Variants in SNX29 observed in about 807,000 individuals in gnomAD.
The protein encoded by SNX29 is sorting nexin 29, also known as sorting nexin-29.
Under a neutral mutation model 102.1 loss-of-function variants are expected in SNX29, and 78 were observed. The ratio of observed to expected loss-of-function variants is 0.76; its 90% CI spans 0.64 to 0.92. The LOEUF (loss-of-function observed/expected upper bound fraction) is 0.92, where lower values mean the gene tolerates loss of function less well. SNX29 is among the 40% of genes least tolerant of loss of function. The probability of loss-of-function intolerance (pLI) is 0.00; values close to 1 mark genes in which losing one functional copy is unlikely to be tolerated. For synonymous variants in SNX29, 580 were observed against 414.5 expected, an observed-to-expected ratio of 1.40 and a Z score of -4.85; for missense variants, 1,280 against 1,061.7, an observed-to-expected ratio of 1.21 and a Z score of -2.86.
chr16:12,008,558 C>T (rs749875318), intron 3 of SNX29, among the ~76,000 whole-genome samples: 33 of 150,756 alleles, frequency 2.2e-4, no homozygotes, highest in Admixed American at 4.6e-4. Context: ...CATGAGCCAC[C>T]GCACCCGGCC....
At chr16:12,427,019 G>T (rs2085108259) in intron 18 of SNX29, among the ~76,000 whole-genome samples, 2 of 152,246 alleles carry the variant, frequency 1.3e-5, no homozygotes, top group Admixed American at 1.3e-4. Flanking sequence ...ATATATGCCA[G>T]AATGGGGGAG....
Position 12,524,791 on chromosome 16 carries a change from C to G in SNX29, c.2268C>G (p.Phe756Leu), listed in dbSNP as rs760280875. The change falls in exon 20 of 21, where the codon TTC becomes TTG. Residue 756 changes from phenylalanine (F) to leucine (L), a missense_variant. By Grantham distance (22) the Phe-to-Leu change is conservative. Coordinates refer to ENST00000566228, the MANE Select transcript of SNX29 (RefSeq NM_032167.5). ...MNKVIQMVPE[F>L]AASPKKETLI... ...AAGTCATCCAGATGGTCCCCGAGTT[C>G]GCTGCCAGCCCCAAGAAGGAGACCC... The G allele has an allele frequency of 5.0e-6, 8 of 1,613,632 alleles. No homozygotes were observed. Among genetic ancestry groups the G allele is most frequent in the African/African-American group, 4.0e-5 (3 of 74,854 alleles).
intron 14 of SNX29, among the ~76,000 whole-genome samples, chr16:12,255,532 C>A (rs981405976): frequency 6.6e-6 from 1 of 152,152 alleles, no homozygotes; most frequent in African/African-American, 2.4e-5. Flanking sequence ...CCAGCATCCC[C>A]CCATCTCTCC....
intron 14 of SNX29, among the ~76,000 whole-genome samples, chr16:12,205,687 C>G (rs1265227597): frequency 6.6e-6 from 1 of 152,226 alleles, no homozygotes; most frequent in African/African-American, 2.4e-5. Context: ...CCTGTCTTAC[C>G]TTGTGCTGCC....
chr16:12,554,679 A>T (rs1460751978), intron 20 of SNX29, among the ~76,000 whole-genome samples: 1 of 152,142 alleles, frequency 6.6e-6, no homozygotes, highest in Non-Finnish European at 1.5e-5. Flanking sequence ...CAGGGATGCC[A>T]ATTCTCAGCA....
chr16:11,998,519 C>G (rs1276036510), intron 1 of SNX29, among the ~76,000 whole-genome samples: 5 of 152,102 alleles, frequency 3.3e-5, no homozygotes, highest in African/African-American at 1.2e-4. Flanking sequence ...CTTGGCTTAC[C>G]AACTCAGTGA....
chr16:12,470,690 TTG>T (rs1234295914), intron 18 of SNX29, among the ~76,000 whole-genome samples: 1 of 152,206 alleles, frequency 6.6e-6, no homozygotes, highest in Non-Finnish European at 1.5e-5. Context: ...CGCTTTATGT[TTG>T]TGTTTCCCCG....
chr16:12,168,320 G>A (rs1464058766), intron 13 of SNX29, among the ~76,000 whole-genome samples: 1 of 152,166 alleles, frequency 6.6e-6, no homozygotes, highest in Admixed American at 6.5e-5. Flanking sequence ...AAGCCCAGAA[G>A]TGAGCAACCA....
chr16:12,358,085 G>A (rs1475744738), intron 16 of SNX29, among the ~76,000 whole-genome samples: 2 of 152,100 alleles, frequency 1.3e-5, no homozygotes, highest in African/African-American at 2.4e-5. Flanking sequence ...TTACACAAAC[G>A]TTTCTTTAAG....
intron 1 of SNX29, among the ~76,000 whole-genome samples, chr16:11,978,893 C>G (rs1240016278): frequency 6.6e-6 from 1 of 151,830 alleles, no homozygotes; most frequent in Non-Finnish European, 1.5e-5. Context: ...CCACTGCACT[C>G]CAGCCTGGGC....
At chr16:12,172,651 T>C (rs1172312763) in intron 13 of SNX29, among the ~76,000 whole-genome samples, 1 of 152,176 alleles carries the variant, frequency 6.6e-6, no homozygotes, top group African/African-American at 2.4e-5. Flanking sequence ...GCCTGACAGA[T>C]ATTAAGGGCT....
chr16:12,189,326 G>A lies in SNX29; in HGVS notation c.1596-10275G>A, dbSNP rs567056806. Among the ~76,000 whole-genome samples, 22 of 152,338 alleles carry A rather than the reference G, an allele frequency of 1.4e-4. 1 individual carries two copies. The South Asian group carries it at 4.6e-3, about 32-fold the overall frequency. ...TTGAGTCCGGAATGACACATGGCAT[G>A]TGATTTTCATGTCTGTTCGGGCTAG... On this transcript the variant is annotated intron_variant, in intron 13 of 20. Coordinates refer to ENST00000566228, the MANE Select transcript of SNX29 (RefSeq NM_032167.5).
At chr16:12,147,911 A>G (rs12924889) in intron 13 of SNX29, among the ~76,000 whole-genome samples, 20,191 of 152,088 alleles carry the variant, frequency 0.13, 1,636 homozygotes, top group East Asian at 0.23. Context: ...TGGGAGGGGA[A>G]CAACAGGAAG....
chr16:12,449,551 T>G (rs565554871), intron 18 of SNX29, among the ~76,000 whole-genome samples: 1 of 152,288 alleles, frequency 6.6e-6, no homozygotes, highest in African/African-American at 2.4e-5. Flanking sequence ...GTCAGTAGTC[T>G]TGGGGTAACC....
At chr16:12,433,718 G>A (rs936917391) in intron 18 of SNX29, among the ~76,000 whole-genome samples, 6 of 151,704 alleles carry the variant, frequency 4.0e-5, no homozygotes, top group Admixed American at 2.0e-4. Flanking sequence ...CAGGTACTTC[G>A]GAGGCTGAGA....
intron 15 of SNX29, among the ~76,000 whole-genome samples, chr16:12,340,817 A>G (rs16959252): frequency 0.077 from 11,646 of 152,036 alleles, 929 homozygotes; most frequent in East Asian, 0.39. Context: ...AAGGTCTGAG[A>G]TCCTCCAGTG....
chr16:12,540,082 C>CA (rs1567675743), intron 20 of SNX29, among the ~76,000 whole-genome samples: 6 of 152,114 alleles, frequency 3.9e-5, no homozygotes, highest in Non-Finnish European at 5.9e-5. Context: ...TCATGTCTAC[C>CA]AATTGTTAGC....
At chr16:12,566,890 C>A (rs1485858977) in intron 20 of SNX29, among the ~76,000 whole-genome samples, 1 of 152,210 alleles carries the variant, frequency 6.6e-6, no homozygotes, top group East Asian at 1.9e-4. Context: ...ACTTGACTTA[C>A]AGGAAAAGAC....
chr16:12,295,026 C>T (rs1446684151), intron 15 of SNX29, among the ~76,000 whole-genome samples: 6 of 152,184 alleles, frequency 3.9e-5, no homozygotes, highest in African/African-American at 1.4e-4. Context: ...AAAGGGATTT[C>T]TCCCTATAAA....
Sources: gnomAD v4.1 joint callset for allele counts (sites outside exome capture counted in the v4.1 genomes callset) on GRCh38, gnomAD v4.1.1 for gene constraint, MANE v1.5 for transcripts, NCBI Gene and HGNC (gene_info 2026-07-23, HGNC 2026-07-21) for gene names.